The following RUNX1T1 variants were observed in gnomAD, a reference collection of about 807,000 sequenced individuals.
RUNX1T1 encodes the protein protein CBFA2T1.
In RUNX1T1, 4 loss-of-function variants were observed where a neutral mutation model predicts 62.8. The observed-to-expected ratio is 0.06, with a 90% confidence interval of 0.03 to 0.15. The LOEUF is 0.15. Among genes scored for constraint, RUNX1T1 ranks in the 10% least tolerant of loss-of-function variants. RUNX1T1 has a pLI of 1.00. For synonymous variants in RUNX1T1, 291 were observed against 286.0 expected (o/e 1.02, Z -0.18); for missense variants, 508 against 754.3 (o/e 0.67, Z 3.82).
At chr8:92,088,617 C>T (rs552835945) in intron 1 of RUNX1T1, among the ~76,000 whole-genome samples, 1 of 152,158 alleles carries the variant, frequency 6.6e-6, no homozygotes, top group Admixed American at 6.5e-5. Context: ...TAATATTAGG[C>T]TCTGGTCTCC....
chr8:91,988,268 T>C (rs1563683079), intron 6 of RUNX1T1, among the ~76,000 whole-genome samples: 1 of 152,100 alleles, frequency 6.6e-6, no homozygotes, highest in African/African-American at 2.4e-5. Flanking sequence ...AATAAAAAGC[T>C]AAATATAAGA....
intron 1 of RUNX1T1, 169 bp from the exon 3 acceptor site, chr8:92,017,532 A>T: frequency 6.6e-7 from 1 of 1,507,638 alleles, no homozygotes; most frequent in South Asian, 1.3e-5. Flanking sequence ...TCCAAACCCC[A>T]CTTAAGAAGG....
intron 7 of RUNX1T1, 99 bp from the exon 9 acceptor site, chr8:91,986,424 G>C (rs1177807044): frequency 1.1e-6 from 1 of 899,254 alleles, no homozygotes; most frequent in East Asian, 2.4e-5. Context: ...AATGAAGGAA[G>C]CAATTTTATC....
intron 10 of RUNX1T1, among the ~76,000 whole-genome samples, chr8:91,965,109 C>G (rs574834940): frequency 3.0e-4 from 45 of 152,280 alleles, no homozygotes; most frequent in African/African-American, 1.1e-3. Context: ...AGTCCTTGCT[C>G]CAGATCCAGC....
At chr8:92,002,569 C>T (rs968535097) in intron 5 of RUNX1T1, among the ~76,000 whole-genome samples, 12 of 152,076 alleles carry the variant, frequency 7.9e-5, no homozygotes, top group African/African-American at 2.7e-4. Context: ...AAATATAGAG[C>T]GCTCTTTTGT....
intron 5 of RUNX1T1, among the ~76,000 whole-genome samples, chr8:92,004,002 A>G (rs563537609): frequency 6.6e-6 from 1 of 152,322 alleles, no homozygotes; most frequent in African/African-American, 2.4e-5. Context: ...TAGCATAAAA[A>G]CTGCTTAACA....
upstream of RUNX1T1, chr8:92,102,925 C>A (rs546533923): frequency 5.1e-5 from 77 of 1,509,494 alleles, no homozygotes; most frequent in East Asian, 1.7e-3. This position sits in a 1 kb window ranked among gnomAD's most constrained non-coding sequence, Gnocchi z 4.5. Context: ...TTCCCGTCGT[C>A]TCGGCCGGCC....
upstream of RUNX1T1, chr8:92,102,764 C>G: frequency 3.1e-6 from 4 of 1,299,220 alleles, no homozygotes; most frequent in South Asian, 6.1e-5. This position sits in a 1 kb window ranked among gnomAD's most constrained non-coding sequence, Gnocchi z 4.5. Context: ...ATAATCCAAA[C>G]GAAGATGACG....
intron 1 of RUNX1T1, among the ~76,000 whole-genome samples, chr8:92,086,609 G>A (rs1177509135): frequency 6.6e-6 from 1 of 152,142 alleles, no homozygotes; most frequent in African/African-American, 2.4e-5. Context: ...GTCTGCAAAT[G>A]GATTCTGAAG....
chr8:91,963,882 A>G (rs1811053961), intron 10 of RUNX1T1, among the ~76,000 whole-genome samples: 1 of 152,204 alleles, frequency 6.6e-6, no homozygotes, highest in Non-Finnish European at 1.5e-5. Flanking sequence ...TGAAATTACC[A>G]TAATAGTGTA....
intron 1 of RUNX1T1, among the ~76,000 whole-genome samples, chr8:92,037,174 A>C (rs1827582841): frequency 6.6e-6 from 1 of 152,148 alleles, no homozygotes; most frequent in Admixed American, 6.5e-5. Context: ...CTTTCTCATC[A>C]ATGTGTAAAT....
In RUNX1T1 at chr8:92,010,344, T is replaced by C. The variant is rs567699135; in HGVS notation, c.477+658A>G. On this transcript the variant is annotated intron_variant, in intron 4 of 10. Transcript: ENST00000396218. Reference sequence around the variant, plus strand: ...AAGGGATCTTAGTAATCTGCTTTTCTACCAAAACTACCAGTTATTTTAGTA... The same window carrying C: ...AAGGGATCTTAGTAATCTGCTTTTCCACCAAAACTACCAGTTATTTTAGTA... 2.0e-5 allele frequency: 3 copies of C among 152,364 alleles called. No individual in the cohort carries two copies. In the South Asian group the frequency reaches 6.2e-4, roughly 32 times the overall value. The allele number at this position is 152,364 out of a possible 1,614,324, so 9.4% of individuals were successfully genotyped here. A position where few individuals can be genotyped will look rare whatever the true frequency, so the allele number is the denominator to read the frequency against.
intron 5 of RUNX1T1, among the ~76,000 whole-genome samples, chr8:91,996,917 C>T (rs1204187062): frequency 1.3e-5 from 2 of 150,764 alleles, no homozygotes; most frequent in East Asian, 3.9e-4. Context: ...AGGTCAGGAG[C>T]TTGAGACCAG....
chr8:92,042,801 C>T (rs1186887637), intron 1 of RUNX1T1, among the ~76,000 whole-genome samples: 2 of 152,172 alleles, frequency 1.3e-5, no homozygotes, highest in Non-Finnish European at 2.9e-5. Context: ...AAATGATACA[C>T]GCACACACAA....
intron 1 of RUNX1T1, among the ~76,000 whole-genome samples, chr8:92,057,792 T>C (rs1055173180): frequency 3.3e-5 from 5 of 152,172 alleles, no homozygotes; most frequent in Non-Finnish European, 5.9e-5. Context: ...GTCATTTAAG[T>C]TAATGATTTA....
chr8:92,058,918 G>T (rs566419587), intron 1 of RUNX1T1, among the ~76,000 whole-genome samples: 4 of 152,138 alleles, frequency 2.6e-5, no homozygotes, highest in Non-Finnish European at 5.9e-5. Flanking sequence ...CCCCCTTCAA[G>T]AAAAAGATTA....
intron 1 of RUNX1T1, among the ~76,000 whole-genome samples, chr8:92,085,356 C>T (rs948834688): frequency 1.9e-4 from 29 of 152,212 alleles, no homozygotes; most frequent in African/African-American, 7.0e-4. Context: ...TAACAGCAAG[C>T]ACTATTGTCA....
At chr8:92,030,518 TAGAA>T (rs1319449165) in intron 1 of RUNX1T1, among the ~76,000 whole-genome samples, 2 of 152,202 alleles carry the variant, frequency 1.3e-5, no homozygotes, top group Non-Finnish European at 2.9e-5. Flanking sequence ...TCTTCAGTAA[TAGAA>T]AGAATAAAAT....
chr8:92,089,286 CA>C (rs1346420757), intron 1 of RUNX1T1, among the ~76,000 whole-genome samples: 2 of 152,140 alleles, frequency 1.3e-5, no homozygotes, highest in Admixed American at 1.3e-4. Flanking sequence ...ATCAGTTTTA[CA>C]AACTAAAGTA....
Sources: allele counts gnomAD v4.1 joint callset (sites outside exome capture counted in the v4.1 genomes callset), GRCh38; gene constraint gnomAD v4.1.1; non-coding constraint Gnocchi (gnomAD v3.1); transcripts MANE v1.5; gene names NCBI Gene and HGNC (gene_info 2026-07-23, HGNC 2026-07-21).